SH3RF3: variants seen among roughly 807,000 people sequenced by gnomAD.
The protein encoded by SH3RF3 is SH3 domain containing ring finger 3.
A neutral mutation model predicts 66.3 loss-of-function variants in SH3RF3; 29 were observed. The ratio of observed to expected loss-of-function variants is 0.44; its 90% confidence interval spans 0.33 to 0.60. The LOEUF is 0.60. Ranked by LOEUF, SH3RF3 falls within the 20% of genes least tolerant of loss-of-function variation. The pLI is 0.04. For synonymous variants in SH3RF3, 583 were observed against 532.0 expected (o/e 1.10, Z -1.32); for missense variants, 1,194 against 1,190.9 (o/e 1.00, Z -0.04).
At chr2:109,298,212 A>G (rs990513651) in intron 1 of SH3RF3, among the ~76,000 whole-genome samples, 1 of 152,112 alleles carries the variant, frequency 6.6e-6, no homozygotes, top group Non-Finnish European at 1.5e-5. Context: ...AGATGCAGAG[A>G]AGGGAAGGAG....
At chr2:109,431,470 A>G (rs143158541) in intron 5 of SH3RF3, among the ~76,000 whole-genome samples, 87 of 152,364 alleles carry the variant, frequency 5.7e-4, no homozygotes, top group African/African-American at 1.9e-3. Flanking sequence ...CAAGGAAAAG[A>G]TATAGGTATA....
intron 3 of SH3RF3, among the ~76,000 whole-genome samples, chr2:109,386,099 C>G (rs150577046): frequency 6.6e-6 from 1 of 152,188 alleles, no homozygotes; most frequent in Admixed American, 6.5e-5. Flanking sequence ...TAGATTGGAT[C>G]TGGAAGCTAA....
chr2:109,284,623 A>G (rs928411000), intron 1 of SH3RF3, among the ~76,000 whole-genome samples: 1 of 152,240 alleles, frequency 6.6e-6, no homozygotes, highest in Non-Finnish European at 1.5e-5. Flanking sequence ...CTAGAAGTGC[A>G]TGGGAGACCA....
intron 1 of SH3RF3, among the ~76,000 whole-genome samples, chr2:109,221,329 TCCCAGCA>T (rs1165849952): frequency 1.3e-5 from 2 of 152,172 alleles, no homozygotes; most frequent in African/African-American, 2.4e-5. Flanking sequence ...ACGGCTGTAA[TCCCAGCA>T]TTTTGGGAGG....
At chr2:109,373,306 C>T (rs1210760262) in intron 3 of SH3RF3, among the ~76,000 whole-genome samples, 4 of 152,200 alleles carry the variant, frequency 2.6e-5, no homozygotes, top group African/African-American at 4.8e-5. Flanking sequence ...TTTAGCTGGC[C>T]AAACTTTTTT....
In SH3RF3 at chr2:109,407,748, A is replaced by T. The variant is rs1055069215; in HGVS notation, c.1299+8805A>T. On this transcript the variant is annotated intron_variant, in intron 4 of 9. Transcript: ENST00000309415. ...GTACCAAGTGAGCCTGGGATGAATA[A>T]AAAAAAAATTGCATTGTGAGAATCT... is the stretch of plus-strand genomic sequence containing the variant. Among the ~76,000 whole-genome samples the T allele has an allele frequency of 1.0e-3, 30 of 29,748 alleles. No individual in the cohort carries two copies. In the East Asian group the frequency reaches 0.011, roughly 11 times the overall value. The allele number at this position is 29,748 out of a possible 152,430, so 19.5% of individuals were successfully genotyped here.
chr2:109,347,400 C>T (rs976726243), intron 1 of SH3RF3, among the ~76,000 whole-genome samples: 4 of 152,048 alleles, frequency 2.6e-5, no homozygotes, highest in Non-Finnish European at 5.9e-5. Context: ...GTCCTTTTTG[C>T]ACAGAATGAG....
At chr2:109,289,958 C>T (rs1681123035) in intron 1 of SH3RF3, among the ~76,000 whole-genome samples, 1 of 152,184 alleles carries the variant, frequency 6.6e-6, no homozygotes. Flanking sequence ...CTTGGAGTAG[C>T]TCAAGGCTTC....
At chr2:109,332,345 G>A (rs1480467873) in intron 1 of SH3RF3, among the ~76,000 whole-genome samples, 1 of 152,076 alleles carries the variant, frequency 6.6e-6, no homozygotes, top group Non-Finnish European at 1.5e-5. Flanking sequence ...TGCGCCCAGG[G>A]GTGCTGCACT....
chr2:109,172,641 G>C (rs1677813515), intron 1 of SH3RF3, among the ~76,000 whole-genome samples: 1 of 152,198 alleles, frequency 6.6e-6, no homozygotes, highest in Non-Finnish European at 1.5e-5. Context: ...GGAGCCCATA[G>C]CAGGAAGCAA....
At chr2:109,425,400 C>T (rs530961385) in intron 5 of SH3RF3, among the ~76,000 whole-genome samples, 6 of 152,320 alleles carry the variant, frequency 3.9e-5, no homozygotes, top group African/African-American at 1.4e-4. Context: ...GACAAAACAG[C>T]CCTATATTGG....
intron 1 of SH3RF3, among the ~76,000 whole-genome samples, chr2:109,144,210 C>T (rs1307399089): frequency 6.6e-6 from 1 of 152,128 alleles, no homozygotes; most frequent in African/African-American, 2.4e-5. Context: ...CATGACACCA[C>T]GAAGGTAACC....
chr2:109,144,368 T>C (rs1677043018), intron 1 of SH3RF3, among the ~76,000 whole-genome samples: 1 of 152,194 alleles, frequency 6.6e-6, no homozygotes, highest in Non-Finnish European at 1.5e-5. Context: ...GAAAAGTACT[T>C]TTAAAAAACA....
intron 3 of SH3RF3, among the ~76,000 whole-genome samples, chr2:109,388,258 T>C (rs1178389518): frequency 6.6e-6 from 1 of 152,234 alleles, no homozygotes; most frequent in Non-Finnish European, 1.5e-5. Flanking sequence ...AGCCTTTCTC[T>C]AGTAGCACTT....
At position 109,136,015 on chromosome 2, in the gene SH3RF3, A is replaced by G. The variant is rs1444372576; in HGVS notation, c.573+5902A>G. Among the ~76,000 whole-genome samples, 3 of 152,194 alleles carry G rather than the reference A, an allele frequency of 2.0e-5. No individual in the cohort carries two copies. The East Asian group carries it at 5.8e-4, about 29-fold the overall frequency. ...ATCCGTAGGACACAATAGCTTGTCT[A>G]CAGCTGCCTAGAATCAGGCTGCTTG... On this transcript the variant is annotated intron_variant, in intron 1 of 9. Transcript: ENST00000309415.
intron 1 of SH3RF3, among the ~76,000 whole-genome samples, chr2:109,338,715 GC>G (rs1682485563): frequency 6.6e-6 from 1 of 152,038 alleles, no homozygotes; most frequent in African/African-American, 2.4e-5. Context: ...GCGCCACCAC[GC>G]CCGACTAATT....
chr2:109,176,415 T>C (rs1249899290), intron 1 of SH3RF3, among the ~76,000 whole-genome samples: 1 of 152,182 alleles, frequency 6.6e-6, no homozygotes, highest in African/African-American at 2.4e-5. Context: ...AGGAGCCCAA[T>C]AGTTGCTCAC....
chr2:109,142,692 G>A (rs1003221403), intron 1 of SH3RF3, among the ~76,000 whole-genome samples: 7 of 152,182 alleles, frequency 4.6e-5, no homozygotes, highest in Non-Finnish European at 1.0e-4. Context: ...TCAACTGAGC[G>A]GAGCATGGGC....
At chr2:109,165,922 A>C (rs1677610416) in intron 1 of SH3RF3, among the ~76,000 whole-genome samples, 1 of 152,174 alleles carries the variant, frequency 6.6e-6, no homozygotes, top group African/African-American at 2.4e-5. Context: ...ATGGGTGGTC[A>C]CTAGTTTTAT....
Sources: gnomAD v4.1 joint callset for allele counts (sites outside exome capture counted in the v4.1 genomes callset) on GRCh38, gnomAD v4.1.1 for gene constraint, MANE v1.5 for transcripts, NCBI Gene and HGNC (gene_info 2026-07-23, HGNC 2026-07-21) for gene names.